The following AJAP1 variants were observed in gnomAD, a reference collection of about 807,000 sequenced individuals.
The protein encoded by AJAP1 is adherens junction-associated protein 1.
In AJAP1, 5 loss-of-function variants were observed where a neutral mutation model predicts 35.0. The ratio of observed to expected loss-of-function variants is 0.14; its 90% CI spans 0.07 to 0.30. The LOEUF (loss-of-function observed/expected upper bound fraction) is 0.30, where lower values mean the gene tolerates loss of function less well. AJAP1 is among the 10% of genes least tolerant of loss of function. AJAP1 has a pLI of 1.00. For missense variants in AJAP1, 586 were observed against 571.0 expected (o/e 1.03, Z -0.27); for synonymous variants, 284 against 249.3 (o/e 1.14, Z -1.31).
intron 1 of AJAP1, among the ~76,000 whole-genome samples, chr1:4,675,250 G>A (rs538357124): frequency 5.3e-5 from 8 of 152,354 alleles, no homozygotes; most frequent in Non-Finnish European, 8.8e-5. Flanking sequence ...AGAAGGACTT[G>A]AAGAATTCAC....
intron 1 of AJAP1, among the ~76,000 whole-genome samples, chr1:4,703,597 A>G (rs1570131766): frequency 6.6e-6 from 1 of 152,164 alleles, no homozygotes; most frequent in African/African-American, 2.4e-5. Flanking sequence ...CATCCCACCT[A>G]ACATCAAATT....
chr1:4,712,479 C>T lies in AJAP1; in HGVS notation c.609C>T (p.Pro203=), dbSNP rs377600965. 1.6e-5 allele frequency: 26 copies of T among 1,612,168 alleles called. No homozygotes were observed. Among genetic ancestry groups the T allele is most frequent in the Admixed American group, 3.3e-5 (2 of 59,758 alleles). ...ESNTFPGVYG[P]TTVSILQTRK... is the part of the protein sequence containing the mutation. ...ACACATTTCCGGGCGTTTACGGCCC[C>T]ACCACGGTCTCCATCCTACAAACAC... Residue 203 remains proline, a synonymous_variant, in exon 2 of 6, where the codon CCC becomes CCT. Transcript: ENST00000378191.
chr1:4,666,431 C>T (rs1243927400), intron 1 of AJAP1, among the ~76,000 whole-genome samples: 2 of 152,178 alleles, frequency 1.3e-5, no homozygotes, highest in Non-Finnish European at 2.9e-5. Context: ...ATGCTCTCTG[C>T]CCGTGTGCGT....
chr1:4,757,275 G>T lies in AJAP1; in HGVS notation c.830-12578G>T, dbSNP rs72639916. ...AATGCCACAAACAGCACCAGACCCA[G>T]GGGCATGCAGTGCTACCAGTGTATT... On this transcript the variant is annotated intron_variant, in intron 2 of 5. Transcript: ENST00000378191. 8.7e-3 allele frequency among the ~76,000 whole-genome samples: 1,326 copies of T among 152,338 alleles called. 12 individuals carry two copies. The highest frequency in any genetic ancestry group is 0.013 in the Non-Finnish European group (851 of 68,042).
rs1640492402 is a variant in AJAP1, at chr1:4,720,487, G to C, written c.829+7788G>C. Among the ~76,000 whole-genome samples the C allele has an allele frequency of 6.6e-6, 1 of 152,196 alleles. No homozygotes were observed. The highest frequency in any genetic ancestry group is 2.1e-4 in the South Asian group (1 of 4,830). Reference sequence around the variant, plus strand: ...GCCAGCGGAGAGAGCGCCCACCTTGGCTCAGATGGACCCAGGCCATGGCTG... The same window carrying C: ...GCCAGCGGAGAGAGCGCCCACCTTGCCTCAGATGGACCCAGGCCATGGCTG... On this transcript the variant is annotated intron_variant, in intron 2 of 5. Transcript: ENST00000378191. This position sits in a 1 kb window ranked among gnomAD's most constrained non-coding sequence, Gnocchi z 4.4.
chr1:4,693,727 C>T lies in AJAP1; in HGVS notation c.30-18173C>T, dbSNP rs978118802. Among the ~76,000 whole-genome samples, 4 of 152,160 alleles carry T rather than the reference C, an allele frequency of 2.6e-5. No individual in the cohort carries two copies. The highest frequency in any genetic ancestry group is 9.7e-5 in the African/African-American group (4 of 41,430). On this transcript the variant is annotated intron_variant, in intron 1 of 5. Coordinates refer to ENST00000378191, the MANE Select transcript of AJAP1 (RefSeq NM_018836.4). This position sits in a 1 kb window ranked among gnomAD's most constrained non-coding sequence, Gnocchi z 4.4. The stretch of plus-strand genomic sequence containing the variant: ...GGGGCACCCAAGGTCAAGGGGCCCA[C>T]GTCTCGCTGGGGCTTCTTGCTGTGT...
intron 2 of AJAP1, among the ~76,000 whole-genome samples, chr1:4,767,694 C>A (rs1641718168): frequency 6.6e-6 from 1 of 151,990 alleles, no homozygotes; most frequent in South Asian, 2.1e-4. Flanking sequence ...ATCACCATCA[C>A]CATCATTATC....
At chr1:4,669,020 C>G (rs1273167566) in intron 1 of AJAP1, among the ~76,000 whole-genome samples, 1 of 152,212 alleles carries the variant, frequency 6.6e-6, no homozygotes. Flanking sequence ...AGGAAGGAGT[C>G]AGACTCAGCC....
rs553776405 is a variant in AJAP1 at position 4,723,917 on chromosome 1, G to A, written c.829+11218G>A. ...ACAATACAGAAGCCAAGTCCTTAAG[G>A]GATGAGAACCAGCCTGATGTGTGCT... On this transcript the variant is annotated intron_variant, in intron 2 of 5. Coordinates refer to ENST00000378191, the MANE Select transcript of AJAP1 (RefSeq NM_018836.4). The surrounding 1 kb of genome is among the most constrained non-coding windows in gnomAD (Gnocchi z 4.3). 7.2e-5 allele frequency among the ~76,000 whole-genome samples: 11 copies of A among 152,296 alleles called. No homozygotes were observed. The highest frequency in any genetic ancestry group is 2.4e-4 in the African/African-American group (10 of 41,572).
intron 1 of AJAP1, among the ~76,000 whole-genome samples, chr1:4,707,002 A>G (rs937805335): frequency 7.2e-5 from 11 of 152,230 alleles, no homozygotes; most frequent in South Asian, 2.1e-4. Flanking sequence ...GGCTGCTGAG[A>G]GGGAGCTGTC....
intron 1 of AJAP1, among the ~76,000 whole-genome samples, chr1:4,684,638 C>A (rs1342238198): frequency 6.6e-6 from 1 of 152,182 alleles, no homozygotes; most frequent in Non-Finnish European, 1.5e-5. Flanking sequence ...GCACTCGCAG[C>A]TTCTCACGTG....
At chr1:4,752,168 G>A (rs1232361453) in intron 2 of AJAP1, among the ~76,000 whole-genome samples, 1 of 151,352 alleles carries the variant, frequency 6.6e-6, no homozygotes, top group African/African-American at 2.4e-5. Flanking sequence ...GGAGGGAGGA[G>A]AGGAGGAGGA....
intron 2 of AJAP1, among the ~76,000 whole-genome samples, chr1:4,767,265 TCAA>T (rs1641703902): frequency 6.6e-6 from 1 of 150,738 alleles, no homozygotes; most frequent in South Asian, 2.1e-4. Flanking sequence ...ATCACTATCA[TCAA>T]CATCAGTATC....
intron 2 of AJAP1, among the ~76,000 whole-genome samples, chr1:4,730,425 C>T (rs926512021): frequency 1.3e-5 from 2 of 152,092 alleles, no homozygotes; most frequent in African/African-American, 4.8e-5. Context: ...CCCAGAGAAG[C>T]GGGTGTTGGG....
chr1:4,659,595 C>T (rs115323560), intron 1 of AJAP1, among the ~76,000 whole-genome samples: 3,010 of 152,222 alleles, frequency 0.02, 79 homozygotes, highest in African/African-American at 0.067. Context: ...GGCCCTTGGG[C>T]GTGTCCCCAA....
intron 4 of AJAP1, among the ~76,000 whole-genome samples, chr1:4,773,955 A>G (rs369644982): frequency 1.3e-5 from 2 of 152,320 alleles, no homozygotes; most frequent in East Asian, 1.9e-4. Context: ...GCCCAAGGTC[A>G]TGCTCTGTTG....
rs528935021 is a variant in AJAP1 at position 4,758,079 on chromosome 1, TGAA to T, written c.830-11769_830-11767del. ...TGCACTTGTCTTTCCTGCCGCCATG[TGAA>T]GAAGGACATGTTTGCCTCCCCTTCC... On this transcript the variant is annotated intron_variant, in intron 2 of 5. Transcript: ENST00000378191. 1.5e-3 allele frequency among the ~76,000 whole-genome samples: 236 copies of T among 152,332 alleles called. 1 individual carries two copies. The highest frequency in any genetic ancestry group is 3.3e-3 in the African/African-American group (138 of 41,588).
intron 2 of AJAP1, among the ~76,000 whole-genome samples, chr1:4,752,498 G>A (rs1295845829): frequency 6.6e-6 from 1 of 152,172 alleles, no homozygotes; most frequent in Non-Finnish European, 1.5e-5. Context: ...TATGGGGACC[G>A]AGTGGTCCAC....
intron 1 of AJAP1, among the ~76,000 whole-genome samples, chr1:4,681,527 G>A (rs1270208307): frequency 6.6e-6 from 1 of 152,224 alleles, no homozygotes; most frequent in Non-Finnish European, 1.5e-5. Context: ...CCTGCAGAAG[G>A]GCTAGGTTCT....
Sources: allele counts gnomAD v4.1 joint callset (sites outside exome capture counted in the v4.1 genomes callset), GRCh38; gene constraint gnomAD v4.1.1; non-coding constraint Gnocchi (gnomAD v3.1); transcripts MANE v1.5; gene names NCBI Gene and HGNC (gene_info 2026-07-23, HGNC 2026-07-21).